Variants in DACH2 observed in about 807,000 individuals in gnomAD.
DACH2 encodes dachshund homolog 2.
In DACH2, 17 loss-of-function variants were observed where a neutral mutation model predicts 35.8. The ratio of observed to expected loss-of-function variants is 0.48; its 90% CI spans 0.33 to 0.71. The LOEUF (loss-of-function observed/expected upper bound fraction) is 0.71, where lower values mean the gene tolerates loss of function less well. Among genes scored for constraint, DACH2 ranks in the 30% least tolerant of loss-of-function variants. The pLI is 0.02. For missense variants in DACH2, 469 were observed against 472.7 expected (o/e 0.99, Z 0.07); for synonymous variants, 195 against 177.3 (o/e 1.10, Z -0.79).
At chrX:86,425,541 C>A (rs1270307437) in intron 2 of DACH2, among the ~76,000 whole-genome samples, 1 of 110,847 alleles carries the variant, frequency 9.0e-6, no homozygotes, top group Non-Finnish European at 1.9e-5. Flanking sequence ...TTTTTGATTT[C>A]TGATTTTATT....
rs753977805 is a variant in DACH2 at position 86,384,825 on chromosome X, CAG to C, written c.527+7964_527+7965del. Among the ~76,000 whole-genome samples, 21 of 111,692 alleles carry C rather than the reference CAG, an allele frequency of 1.9e-4. No homozygotes were observed. The South Asian group carries it at 7.6e-3, about 41-fold the overall frequency. ...ATTCAAAATACTGTATCATCTGAGACAGTGTTCCAGATGTTTTTAAAAATGTG... is the reference window on the plus strand; with the variant it reads ...ATTCAAAATACTGTATCATCTGAGACTGTTCCAGATGTTTTTAAAAATGTG... On this transcript the variant is annotated intron_variant, in intron 2 of 11. Coordinates refer to ENST00000373125, the MANE Select transcript of DACH2 (RefSeq NM_053281.3).
chrX:86,599,048 G>T (rs189773529), intron 3 of DACH2, among the ~76,000 whole-genome samples: 32 of 110,683 alleles, frequency 2.9e-4, no homozygotes, highest in Non-Finnish European at 5.5e-4. Flanking sequence ...GTGAGAACAT[G>T]CGGTGTTTGG....
At chrX:86,342,255 T>A (rs952105592) in intron 1 of DACH2, among the ~76,000 whole-genome samples, 4 of 111,050 alleles carry the variant, frequency 3.6e-5, no homozygotes, top group African/African-American at 1.3e-4. Flanking sequence ...TCCAAGACCT[T>A]TGTAAGTCTG....
intron 2 of DACH2, among the ~76,000 whole-genome samples, chrX:86,401,094 C>A (rs891643848): frequency 8.9e-6 from 1 of 112,016 alleles, no homozygotes; most frequent in African/African-American, 3.2e-5. Flanking sequence ...GCTCCTCCCC[C>A]AGCCTCGCTA....
At chrX:86,179,011 A>G (rs2031394122) in intron 1 of DACH2, among the ~76,000 whole-genome samples, 1 of 112,129 alleles carries the variant, frequency 8.9e-6, no homozygotes, top group African/African-American at 3.2e-5. Flanking sequence ...TTGACTTTCT[A>G]GGCTGATATG....
chrX:86,746,861 C>G (rs5968980), intron 7 of DACH2, among the ~76,000 whole-genome samples: 2,778 of 110,800 alleles, frequency 0.025, 95 homozygotes, highest in African/African-American at 0.086. Context: ...ATCTGTACTC[C>G]CCTTTGAGTT....
intron 7 of DACH2, among the ~76,000 whole-genome samples, chrX:86,758,312 C>A (rs1438311485): frequency 9.0e-6 from 1 of 111,255 alleles, no homozygotes; most frequent in African/African-American, 3.3e-5. Flanking sequence ...TGAGGTGTAT[C>A]AATTAATTGT....
intron 3 of DACH2, among the ~76,000 whole-genome samples, chrX:86,629,727 A>T (rs376715748): frequency 4.6e-5 from 5 of 109,206 alleles, no homozygotes; most frequent in African/African-American, 1.3e-4. Flanking sequence ...TGCAGAATAA[A>T]AAAAAAAAAA....
rs899815932 is a variant in DACH2 at position 86,799,449 on chromosome X, C to A, written c.1241-13407C>A. Among the ~76,000 whole-genome samples, 5 of 111,861 alleles carry A rather than the reference C, an allele frequency of 4.5e-5. No homozygotes were observed. The Admixed American group carries it at 4.7e-4, about 11-fold the overall frequency. ...TCTGCAGCTCCAAGGGAGATCAATGCAGAAGGCAGGTGATTTCTGCATTTC... is the reference window on the plus strand; with the variant it reads ...TCTGCAGCTCCAAGGGAGATCAATGAAGAAGGCAGGTGATTTCTGCATTTC... On this transcript the variant is annotated intron_variant, in intron 7 of 11. Coordinates refer to ENST00000373125, the MANE Select transcript of DACH2 (RefSeq NM_053281.3).
intron 2 of DACH2, among the ~76,000 whole-genome samples, chrX:86,494,357 T>C (rs1343813710): frequency 8.9e-6 from 1 of 112,146 alleles, no homozygotes; most frequent in African/African-American, 3.2e-5. Flanking sequence ...TAATAGATAC[T>C]GAGTGGCTAC....
intron 4 of DACH2, among the ~76,000 whole-genome samples, chrX:86,686,895 T>C (rs753016912): frequency 8.9e-6 from 1 of 112,221 alleles, no homozygotes; most frequent in East Asian, 2.8e-4. Flanking sequence ...GCCACTGTGC[T>C]TTAAAGTGGC....
chrX:86,562,585 T>C (rs1198140064), intron 3 of DACH2, among the ~76,000 whole-genome samples: 1 of 111,778 alleles, frequency 8.9e-6, no homozygotes, highest in Admixed American at 9.6e-5. Flanking sequence ...TATACACATA[T>C]AATACATACA....
chrX:86,383,536 C>T (rs941274163), intron 2 of DACH2, among the ~76,000 whole-genome samples: 1 of 101,523 alleles, frequency 9.8e-6, no homozygotes, highest in African/African-American at 3.6e-5. Context: ...ACCATGGACA[C>T]GTTTGTCTTG....
At chrX:86,232,253 G>T (rs760355498) in intron 1 of DACH2, among the ~76,000 whole-genome samples, 1 of 111,741 alleles carries the variant, frequency 8.9e-6, no homozygotes, top group Non-Finnish European at 1.9e-5. Context: ...AAAAACCCTG[G>T]AAGACAACCT....
intron 3 of DACH2, among the ~76,000 whole-genome samples, chrX:86,617,753 T>C (rs1354310299): frequency 2.7e-5 from 3 of 111,982 alleles, no homozygotes; most frequent in Non-Finnish European, 5.6e-5. Context: ...ATAAGGGTTT[T>C]TCTGACTTTT....
At chrX:86,757,825 C>T (rs957024675) in intron 7 of DACH2, among the ~76,000 whole-genome samples, 1 of 112,204 alleles carries the variant, frequency 8.9e-6, no homozygotes, top group African/African-American at 3.2e-5. Context: ...GCTTCCTGTA[C>T]AGCCTGCAGA....
At chrX:86,697,052 A>G (rs1306684513) in intron 5 of DACH2, among the ~76,000 whole-genome samples, 1 of 111,596 alleles carries the variant, frequency 9.0e-6, no homozygotes, top group African/African-American at 3.3e-5. Context: ...GGAAAAGAAC[A>G]GTACAATTCC....
At chrX:86,784,153 A>T (rs1254904216) in intron 7 of DACH2, among the ~76,000 whole-genome samples, 1 of 110,663 alleles carries the variant, frequency 9.0e-6, no homozygotes, top group Non-Finnish European at 1.9e-5. Context: ...TTAAAAAAAA[A>T]ACTAAAAAGG....
chrX:86,586,463 C>T (rs1390945119), intron 3 of DACH2, among the ~76,000 whole-genome samples: 1 of 111,356 alleles, frequency 9.0e-6, no homozygotes. Flanking sequence ...ATTGCTTTTG[C>T]CATCTTCATC....
Sources: allele counts gnomAD v4.1 joint callset (sites outside exome capture counted in the v4.1 genomes callset), GRCh38; gene constraint gnomAD v4.1.1; transcripts MANE v1.5; gene names NCBI Gene and HGNC (gene_info 2026-07-23, HGNC 2026-07-21).